The following ATP13A4 variants were observed in gnomAD, a reference collection of about 807,000 sequenced individuals.
The protein encoded by ATP13A4 is ATPase 13A4, also known as probable cation-transporting ATPase 13A4.
A neutral mutation model predicts 142.5 loss-of-function variants in ATP13A4; 114 were observed. The observed-to-expected ratio is 0.80, with a 90% CI of 0.69 to 0.93. The LOEUF (loss-of-function observed/expected upper bound fraction) is 0.93. Ranked by LOEUF, ATP13A4 falls within the 40% of genes least tolerant of loss-of-function variation. The pLI is 0.00. For missense variants in ATP13A4, 1,392 were observed against 1,454.0 expected (o/e 0.96, Z 0.69); for synonymous variants, 488 against 514.8 (o/e 0.95, Z 0.70).
chr3:193,554,649 CGTGCGTGTGTGT>C (rs1280466409), intron 1 of ATP13A4, 79 bp downstream of exon 1: 25 of 1,323,672 alleles, frequency 1.9e-5, no homozygotes, highest in Middle Eastern at 2.3e-4. Flanking sequence ...GTGTGTGATG[CGTGCGTGTGTGT>C]GTGTGTGTGT....
At position 193,478,575 on chromosome 3, in the gene ATP13A4, G is replaced by T. The variant is rs146619320; in HGVS notation, c.808+5361C>A. 2.4e-3 allele frequency among the ~76,000 whole-genome samples: 364 copies of T among 150,828 alleles called. 4 individuals carry two copies. The highest frequency in any genetic ancestry group is 0.024 in the Middle Eastern group (7 of 292). ...ATACAACCCTCCTAGGCTAAACCAG[G>T]AAAAATGTGAACAGACCAATAACAA... is the stretch of plus-strand genomic sequence containing the variant. On this transcript the variant is annotated intron_variant, in intron 8 of 29. Coordinates refer to ENST00000342695, the MANE Select transcript of ATP13A4 (RefSeq NM_032279.4).
chr3:193,486,056 T>C (rs914992384), intron 7 of ATP13A4, among the ~76,000 whole-genome samples: 2 of 149,864 alleles, frequency 1.3e-5, no homozygotes, highest in African/African-American at 2.4e-5. Flanking sequence ...TAAATATATA[T>C]GTATATATAA....
intron 11 of ATP13A4, 111 bp downstream of exon 11, chr3:193,465,913 GT>G: frequency 7.3e-7 from 1 of 1,377,312 alleles, no homozygotes. Context: ...TCAGTGCTTG[GT>G]TTTGTTTCCC....
At chr3:193,463,378 T>C (rs1373902626) in intron 12 of ATP13A4, among the ~76,000 whole-genome samples, 1 of 146,158 alleles carries the variant, frequency 6.8e-6, no homozygotes, top group Non-Finnish European at 1.5e-5. Flanking sequence ...AATTTTTACC[T>C]GCAGGGCACT....
chr3:193,453,092 A>G (rs1280796344), intron 17 of ATP13A4, among the ~76,000 whole-genome samples: 1 of 152,192 alleles, frequency 6.6e-6, no homozygotes, highest in African/African-American at 2.4e-5. Context: ...CAATTATTCT[A>G]TACACAGGTA....
chr3:193,564,190 T>C (rs1724084056), intron 2 of ATP13A4, among the ~76,000 whole-genome samples: 1 of 152,212 alleles, frequency 6.6e-6, no homozygotes, highest in Non-Finnish European at 1.5e-5. Flanking sequence ...AGCTGGGCCT[T>C]GCTAGAAGCA....
At chr3:193,538,552 A>G (rs1433037038) in intron 1 of ATP13A4, among the ~76,000 whole-genome samples, 2 of 151,646 alleles carry the variant, frequency 1.3e-5, no homozygotes, top group Non-Finnish European at 2.9e-5. Context: ...GCTTGTAAAT[A>G]TCTATTGACT....
intron 1 of ATP13A4, among the ~76,000 whole-genome samples, chr3:193,531,833 G>A (rs1722356538): frequency 1.3e-5 from 2 of 152,074 alleles, no homozygotes; most frequent in African/African-American, 4.8e-5. Flanking sequence ...CTCCTTATTG[G>A]TAAGTGAAAA....
chr3:193,411,670 C>G (rs1231421710), intron 27 of ATP13A4, among the ~76,000 whole-genome samples: 2 of 152,212 alleles, frequency 1.3e-5, no homozygotes, highest in African/African-American at 4.8e-5. Context: ...AACATACCTT[C>G]CTACTCCAGA....
chr3:193,531,296 G>GAGGA (rs772860170), intron 1 of ATP13A4, among the ~76,000 whole-genome samples: 6,169 of 73,828 alleles, frequency 0.084, 328 homozygotes, highest in African/African-American at 0.12. Context: ...GGGAGGGAGG[G>GAGGA]AGGAAGGAAG....
At chr3:193,541,793 T>A (rs919280075) in intron 1 of ATP13A4, among the ~76,000 whole-genome samples, 1 of 152,094 alleles carries the variant, frequency 6.6e-6, no homozygotes, top group South Asian at 2.1e-4. Flanking sequence ...ACAAATAAAT[T>A]TAAAAAGCAA....
chr3:193,422,445 G>C (rs983650154), intron 25 of ATP13A4, among the ~76,000 whole-genome samples: 3 of 35,230 alleles, frequency 8.5e-5, no homozygotes, highest in Non-Finnish European at 2.5e-4. Context: ...TAATGCGCAT[G>C]GAACATTCTC....
rs573162659 is a variant in ATP13A4, at chr3:193,412,030, C to T, written c.3208+148G>A. On this transcript the variant is annotated intron_variant, in intron 27 of 29. Transcript: ENST00000342695. Reference sequence around the variant, plus strand: ...AGAGCAAAGAACCGTGAAAATGAGGCTGTACGATGTGTTTTGCAGAGTCCT... The same window carrying T: ...AGAGCAAAGAACCGTGAAAATGAGGTTGTACGATGTGTTTTGCAGAGTCCT... 7.0e-5 allele frequency: 49 copies of T among 702,740 alleles called. 1 individual carries two copies. The South Asian group carries it at 7.1e-4, about 10-fold the overall frequency. The allele number at this position is 702,740 out of a possible 1,614,324, so 43.5% of individuals were successfully genotyped here. A position where few individuals can be genotyped will look rare whatever the true frequency, so the allele number is the denominator to read the frequency against.
chr3:193,531,108 G>C (rs537793454), intron 1 of ATP13A4, among the ~76,000 whole-genome samples: 5 of 152,142 alleles, frequency 3.3e-5, no homozygotes, highest in African/African-American at 1.2e-4. Flanking sequence ...AGCCGTCCAG[G>C]AGTGGGTCGT....
At chr3:193,533,185 G>T (rs975543447) in intron 1 of ATP13A4, among the ~76,000 whole-genome samples, 1 of 152,108 alleles carries the variant, frequency 6.6e-6, no homozygotes, top group African/African-American at 2.4e-5. Context: ...TTCAAGAGCA[G>T]CCTGGGCTAA....
At chr3:193,531,332 A>AAGAGAGGAGGGAAGGAAGAG (rs756724048) in intron 1 of ATP13A4, among the ~76,000 whole-genome samples, 1 of 82,574 alleles carries the variant, frequency 1.2e-5, no homozygotes, top group Non-Finnish European at 2.6e-5. Flanking sequence ...GGAAGGAAGG[A>AAGAGAGGAGGGAAGGAAGAG]AGGAAGGGAG....
intron 25 of ATP13A4, among the ~76,000 whole-genome samples, chr3:193,420,283 T>A (rs1318988874): frequency 1.3e-5 from 2 of 149,634 alleles, no homozygotes; most frequent in Non-Finnish European, 3.0e-5. Context: ...TGATCTTAGC[T>A]GAAAAACTTG....
intron 1 of ATP13A4, among the ~76,000 whole-genome samples, chr3:193,589,180 A>ATGTGTGTGTGTG (rs748201347): frequency 6.6e-6 from 1 of 151,228 alleles, no homozygotes; most frequent in African/African-American, 2.4e-5. Flanking sequence ...ATATATATAT[A>ATGTGTGTGTGTG]TGTGTGTGTG....
intron 1 of ATP13A4, among the ~76,000 whole-genome samples, chr3:193,525,308 C>A (rs1721941870): frequency 2.0e-5 from 3 of 152,132 alleles, no homozygotes; most frequent in South Asian, 2.1e-4. Flanking sequence ...TAAGATAATT[C>A]TCAAACAAGG....
Sources: gnomAD v4.1 joint callset for allele counts (sites outside exome capture counted in the v4.1 genomes callset) on GRCh38, gnomAD v4.1.1 for gene constraint, MANE v1.5 for transcripts, NCBI Gene and HGNC (gene_info 2026-07-23, HGNC 2026-07-21) for gene names.